The following AFDN variants were observed in gnomAD, a reference collection of about 807,000 sequenced individuals.
AFDN encodes the protein afadin, adherens junction formation factor.
A neutral mutation model predicts 216.6 loss-of-function variants in AFDN; 68 were observed. The ratio of observed to expected loss-of-function variants is 0.31; its 90% CI spans 0.26 to 0.38. AFDN has a LOEUF of 0.38. AFDN is among the 10% of genes least tolerant of loss of function. The pLI is 1.00. For missense variants in AFDN, 2,136 were observed against 2,342.0 expected, an observed-to-expected ratio of 0.91 and a Z score of 1.82; for synonymous variants, 868 against 853.7, an observed-to-expected ratio of 1.02 and a Z score of -0.29.
rs1374558447 is a variant in AFDN, at chr6:167,951,349, C to T, written c.3995C>T (p.Ser1332Phe). Residue 1332 changes from serine (S) to phenylalanine (F), a missense_variant, in exon 30 of 34, where the codon TCC becomes TTC. Ser to Phe is a radical substitution (Grantham distance 155). Around this residue, in one of 8 missense-constraint regions of AFDN, gnomAD observed 981 missense variants for 966.0 expected, o/e 1.02. Coordinates refer to ENST00000683244, the MANE Select transcript of AFDN (RefSeq NM_001386888.1). This position sits in a 1 kb window ranked among gnomAD's most constrained non-coding sequence, Gnocchi z 7.1. Reference protein sequence around the residue: ...STSSQEHLNHSSKSVTPASTL... With the variant: ...STSSQEHLNHFSKSVTPASTL... ...TCTAGCCAGGAGCATCTGAACCATT[C>T]CTCTAAGTCGGTCACCCCTGCTTCC... is the stretch of plus-strand genomic sequence containing the variant. 2.5e-6 allele frequency: 4 copies of T among 1,614,138 alleles called. No individual in the cohort carries two copies. The highest frequency in any genetic ancestry group is 4.5e-5 in the East Asian group (2 of 44,862).
intron 30 of AFDN, among the ~76,000 whole-genome samples, chr6:167,953,120 AT>A (rs950190288): frequency 1.3e-5 from 2 of 151,542 alleles, no homozygotes; most frequent in South Asian, 2.1e-4. Flanking sequence ...AGTTTTAGTG[AT>A]TTTTTTTTCT....
In AFDN at chr6:167,952,186, G is replaced by C. The variant is rs1458755890; in HGVS notation, c.4832G>C (p.Arg1611Thr). 1 of 1,613,940 alleles carries C rather than the reference G, an allele frequency of 6.2e-7. No homozygotes were observed. Among genetic ancestry groups the C allele is most frequent in the Non-Finnish European group, 8.5e-7 (1 of 1,179,974 alleles). ...CGCCTGGAGGCTGAACGAAGAGCGAGGGTAAAGGGGGGAGTGCTTTGGCTG... is the reference window on the plus strand; with the variant it reads ...CGCCTGGAGGCTGAACGAAGAGCGACGGTAAAGGGGGGAGTGCTTTGGCTG... ...MQRLEAERRA[R>T]LQDEERRRQQ... The change falls in exon 30 of 34, where the codon AGG becomes ACG. Residue 1611 changes from arginine (R) to threonine (T), a missense_variant and splice_region_variant. Around this residue, in one of 8 missense-constraint regions of AFDN, gnomAD observed 981 missense variants for 966.0 expected, o/e 1.02. Transcript: ENST00000683244.
At chr6:167,948,544 A>C in intron 29 of AFDN, 66 bp downstream of exon 29, 1 of 1,443,886 alleles carries the variant, frequency 6.9e-7, no homozygotes, top group African/African-American at 1.4e-5. Context: ...GTTCTGAGAC[A>C]CAATTAATAT....
chr6:167,848,342 T>G (rs1781925269), intron 1 of AFDN, among the ~76,000 whole-genome samples: 1 of 152,202 alleles, frequency 6.6e-6, no homozygotes, highest in Non-Finnish European at 1.5e-5. Context: ...TTTAAGGAAT[T>G]AAGAGTTACA....
intron 12 of AFDN, among the ~76,000 whole-genome samples, chr6:167,905,822 T>C (rs1232248369): frequency 6.6e-6 from 1 of 152,194 alleles, no homozygotes; most frequent in African/African-American, 2.4e-5. Flanking sequence ...ATCTGTCTTA[T>C]GGGCCGGATG....
At chr6:167,893,251 T>A (rs1180654021) in intron 8 of AFDN, among the ~76,000 whole-genome samples, 1 of 152,224 alleles carries the variant, frequency 6.6e-6, no homozygotes, top group East Asian at 1.9e-4. Flanking sequence ...TCGTTTTAGG[T>A]TTTCATTATT....
rs1285959433 is a variant in AFDN at position 167,921,820 on chromosome 6, C to A, written c.2909-1036C>A. The stretch of plus-strand genomic sequence containing the variant: ...GTGATTTAAAAAATAAAAAAAAAAA[C>A]TAAGTAAAATTACTTTGTATACTTA... On this transcript the variant is annotated intron_variant, in intron 21 of 33. Coordinates refer to ENST00000683244, the MANE Select transcript of AFDN (RefSeq NM_001386888.1). Among the ~76,000 whole-genome samples, 8 of 149,824 alleles carry A rather than the reference C, an allele frequency of 5.3e-5. No individual in the cohort carries two copies. In the East Asian group the frequency reaches 1.4e-3, roughly 26 times the overall value.
chr6:167,969,228 T>C, intron 33 of AFDN, 30 bp downstream of exon 33: 1 of 1,543,124 alleles, frequency 6.5e-7, no homozygotes, highest in South Asian at 1.1e-5. Flanking sequence ...ACGAGGAACT[T>C]CATCTGTACC....
chr6:167,869,125 A>G (rs1161944904), intron 2 of AFDN, among the ~76,000 whole-genome samples: 1 of 151,792 alleles, frequency 6.6e-6, no homozygotes, highest in Non-Finnish European at 1.5e-5. Context: ...TTTGTGTGAC[A>G]GGGCACTGTC....
At chr6:167,907,843 T>G (rs1382406406) in intron 13 of AFDN, among the ~76,000 whole-genome samples, 1 of 152,212 alleles carries the variant, frequency 6.6e-6, no homozygotes, top group Non-Finnish European at 1.5e-5. Context: ...TCTTGTTATT[T>G]CCTTGTCTTA....
At chr6:167,965,493 A>G (rs1471017211) in intron 31 of AFDN, among the ~76,000 whole-genome samples, 1 of 152,250 alleles carries the variant, frequency 6.6e-6, no homozygotes, top group Non-Finnish European at 1.5e-5. Flanking sequence ...ATGGAAAGGC[A>G]TAAGTGACTG....
intron 8 of AFDN, among the ~76,000 whole-genome samples, chr6:167,891,453 CTGT>C (rs1302125884): frequency 9.4e-6 from 1 of 106,454 alleles, no homozygotes; most frequent in African/African-American, 3.1e-5. Context: ...GTGTGTGTGG[CTGT>C]TGTTTCTGAT....
At position 167,925,242 on chromosome 6, in the gene AFDN, A is replaced by G. The variant is rs919172553; in HGVS notation, c.3099+151A>G. ...CTGCGTAGGAGAGGAATGGTGTTAC[A>G]TGAATGAAGCCAGTGTGCTCACTGG... On this transcript the variant is annotated intron_variant, in intron 23 of 33. Coordinates refer to ENST00000683244, the MANE Select transcript of AFDN (RefSeq NM_001386888.1). 22 of 634,504 alleles carry G rather than the reference A, an allele frequency of 3.5e-5. 1 individual carries two copies. Among genetic ancestry groups the G allele is most frequent in the Middle Eastern group, 8.0e-4 (2 of 2,514 alleles). The allele number at this position is 634,504 out of a possible 1,614,324, so 39.3% of individuals were successfully genotyped here.
intron 16 of AFDN, chr6:167,913,832 G>A: frequency 2.4e-6 from 1 of 414,342 alleles, no homozygotes. Flanking sequence ...ATACATGTAT[G>A]TATACTGCAC....
chr6:167,882,039 C>T (rs561642011), intron 6 of AFDN, among the ~76,000 whole-genome samples: 30 of 152,026 alleles, frequency 2.0e-4, no homozygotes, highest in African/African-American at 5.8e-4. Flanking sequence ...ACCTTTAAAA[C>T]GGGGACAGAT....
At chr6:167,892,440 T>C (rs1053401956) in intron 8 of AFDN, among the ~76,000 whole-genome samples, 1 of 152,162 alleles carries the variant, frequency 6.6e-6, no homozygotes, top group African/African-American at 2.4e-5. Context: ...GGGTATTGGG[T>C]CTGCCCTTTA....
In AFDN at chr6:167,948,189, A is replaced by C. The variant is rs551850824; in HGVS notation, c.3646-104A>C. ...TGGATCAAACACTTTTTAATGCAGT[A>C]TTTAACATATACTATTTTTTAAATT... On this transcript the variant is annotated intron_variant, in intron 28 of 33. Transcript: ENST00000683244. The C allele has an allele frequency of 3.3e-4, 331 of 1,000,848 alleles. 3 individuals are homozygous for C. The African/African-American group carries it at 5.1e-3, about 15-fold the overall frequency. 62.0% of individuals were successfully genotyped at this position (1,000,848 alleles called of 1,614,324 possible). A position where few individuals can be genotyped will look rare whatever the true frequency, so the allele number is the denominator to read the frequency against.
chr6:167,943,825 C>A, intron 25 of AFDN, 116 bp from the exon 26 acceptor site: 1 of 913,074 alleles, frequency 1.1e-6, no homozygotes, highest in Non-Finnish European at 1.7e-6. Flanking sequence ...AACCATTACT[C>A]AAAATAATAG....
intron 5 of AFDN, among the ~76,000 whole-genome samples, chr6:167,877,185 G>A (rs1785483705): frequency 6.6e-6 from 1 of 152,140 alleles, no homozygotes; most frequent in South Asian, 2.1e-4. Flanking sequence ...AGGAGGGGAG[G>A]CATTTAGGAT....
Sources: gnomAD v4.1 joint callset for allele counts (sites outside exome capture counted in the v4.1 genomes callset) on GRCh38, gnomAD v4.1.1 for gene constraint, gnomAD v4.1.1 regional missense constraint, Gnocchi (gnomAD v3.1) non-coding constraint, MANE v1.5 for transcripts, NCBI Gene and HGNC (gene_info 2026-07-23, HGNC 2026-07-21) for gene names.